Variants in SYT1 observed in about 807,000 individuals in gnomAD.
The protein encoded by SYT1 is synaptotagmin-1.
A neutral mutation model predicts 44.8 loss-of-function variants in SYT1; 8 were observed. The observed-to-expected ratio is 0.18, with a 90% confidence interval of 0.10 to 0.32. The LOEUF is 0.32. Among genes scored for constraint, SYT1 ranks in the 10% least tolerant of loss-of-function variants. The probability of loss-of-function intolerance (pLI) is 1.00; values close to 1 mark genes in which losing one functional copy is unlikely to be tolerated. For missense variants in SYT1, 286 were observed against 509.3 expected (o/e 0.56, Z 4.22); for synonymous variants, 154 against 188.8 (o/e 0.82, Z 1.51).
chr12:79,116,996 T>A (rs1488497961), intron 3 of SYT1, among the ~76,000 whole-genome samples: 2 of 152,168 alleles, frequency 1.3e-5, no homozygotes, highest in African/African-American at 4.8e-5. Context: ...GTAATAAAAT[T>A]AATGAGGAAG....
intron 3 of SYT1, among the ~76,000 whole-genome samples, chr12:79,091,737 C>A (rs768188126): frequency 3.3e-5 from 5 of 151,872 alleles, no homozygotes; most frequent in Non-Finnish European, 7.4e-5. Context: ...ATAATAAAAT[C>A]TCAAAAAAAT....
At chr12:78,961,892 T>C (rs1312579276) in intron 1 of SYT1, among the ~76,000 whole-genome samples, 1 of 152,194 alleles carries the variant, frequency 6.6e-6, no homozygotes, top group African/African-American at 2.4e-5. Context: ...CAGTGACAAC[T>C]TTTTGACTCA....
chr12:79,311,512 T>G (rs1477216818), intron 8 of SYT1, among the ~76,000 whole-genome samples: 2 of 142,970 alleles, frequency 1.4e-5, no homozygotes, highest in African/African-American at 2.6e-5. Flanking sequence ...GCCATCCCAT[T>G]ACTGGGTATA....
intron 4 of SYT1, among the ~76,000 whole-genome samples, chr12:79,239,774 T>C (rs1166664119): frequency 2.6e-5 from 4 of 151,778 alleles, no homozygotes; most frequent in Non-Finnish European, 5.9e-5. Flanking sequence ...GAAGAGGGAG[T>C]CCAGGCTTTT....
intron 7 of SYT1, 67 bp from the exon 8 acceptor site, chr12:79,299,317 A>G (rs980108409): frequency 6.6e-7 from 1 of 1,524,432 alleles, no homozygotes; most frequent in Non-Finnish European, 9.0e-7. Context: ...ATTAAGCACC[A>G]TGAACAAGTA....
chr12:78,903,064 C>G lies in SYT1; in HGVS notation c.-217+37955C>G, dbSNP rs892856591. 2.6e-5 allele frequency among the ~76,000 whole-genome samples: 4 copies of G among 152,116 alleles called. No homozygotes were observed. The South Asian group carries it at 6.2e-4, about 24-fold the overall frequency. On this transcript the variant is annotated intron_variant, in intron 1 of 10. Coordinates refer to ENST00000261205, the MANE Select transcript of SYT1 (RefSeq NM_005639.3). Reference sequence around the variant, plus strand: ...AATTTTACAGAATCAATTCTTAACTCAGAAAATTGTCAAAATTCATTTATC... The same window carrying G: ...AATTTTACAGAATCAATTCTTAACTGAGAAAATTGTCAAAATTCATTTATC...
chr12:79,230,372 C>T lies in SYT1; in HGVS notation c.166+12687C>T, dbSNP rs529436651. Among the ~76,000 whole-genome samples, 34 of 152,136 alleles carry T rather than the reference C, an allele frequency of 2.2e-4. 1 individual carries two copies. The South Asian group carries it at 7.1e-3, about 32-fold the overall frequency. On this transcript the variant is annotated intron_variant, in intron 4 of 10. Transcript: ENST00000261205. ...ATTGTGTCTTATTGTATAGTTGCATCTGAAGATTTTTGTACTGAAATAGAA... is the reference window on the plus strand; with the variant it reads ...ATTGTGTCTTATTGTATAGTTGCATTTGAAGATTTTTGTACTGAAATAGAA...
chr12:79,113,082 G>A (rs17005224), intron 3 of SYT1, among the ~76,000 whole-genome samples: 3,555 of 152,162 alleles, frequency 0.023, 118 homozygotes, highest in South Asian at 0.11. Flanking sequence ...AAATGTATTC[G>A]ACATAAAAGT....
intron 9 of SYT1, among the ~76,000 whole-genome samples, chr12:79,423,729 T>C (rs1188677473): frequency 6.6e-6 from 1 of 151,962 alleles, no homozygotes; most frequent in Non-Finnish European, 1.5e-5. Context: ...TTCAATTTCA[T>C]GATATGTTAT....
intron 3 of SYT1, among the ~76,000 whole-genome samples, chr12:79,151,318 C>T (rs1441741774): frequency 6.6e-6 from 1 of 152,090 alleles, no homozygotes; most frequent in Non-Finnish European, 1.5e-5. Flanking sequence ...GACATTCCCA[C>T]CTGCCAGGAA....
chr12:79,411,528 C>A (rs780452796), intron 9 of SYT1, among the ~76,000 whole-genome samples: 11 of 152,068 alleles, frequency 7.2e-5, no homozygotes, highest in Non-Finnish European at 1.5e-4. Context: ...ATTGTCAGAT[C>A]ATACAGTGAC....
intron 4 of SYT1, among the ~76,000 whole-genome samples, chr12:79,218,196 T>C (rs1874931587): frequency 1.3e-5 from 2 of 152,302 alleles, no homozygotes; most frequent in African/African-American, 4.8e-5. Context: ...TGGATAAGTA[T>C]AGCACTAAGT....
intron 8 of SYT1, among the ~76,000 whole-genome samples, chr12:79,309,063 A>T (rs1013561496): frequency 1.3e-5 from 2 of 152,216 alleles, no homozygotes; most frequent in South Asian, 2.1e-4. Context: ...CCAGATTTTT[A>T]AAAATCATAC....
chr12:79,270,517 C>T (rs1308806173), intron 4 of SYT1, among the ~76,000 whole-genome samples: 1 of 152,034 alleles, frequency 6.6e-6, no homozygotes, highest in Non-Finnish European at 1.5e-5. Context: ...TATATTTTTC[C>T]AGGGATGAAA....
chr12:78,917,137 C>T (rs1359806325), intron 1 of SYT1, among the ~76,000 whole-genome samples: 1 of 151,946 alleles, frequency 6.6e-6, no homozygotes, highest in African/African-American at 2.4e-5. Context: ...AAGTTCTTTC[C>T]TATATTGAGT....
At chr12:79,395,613 C>G (rs935440976) in intron 9 of SYT1, among the ~76,000 whole-genome samples, 2 of 152,134 alleles carry the variant, frequency 1.3e-5, no homozygotes, top group Non-Finnish European at 2.9e-5. Context: ...TCTCAAACAC[C>G]TGGAATCAAG....
intron 3 of SYT1, among the ~76,000 whole-genome samples, chr12:79,174,931 C>A (rs1871765738): frequency 6.6e-6 from 1 of 152,006 alleles, no homozygotes; most frequent in Non-Finnish European, 1.5e-5. Flanking sequence ...TTTACAGGTA[C>A]TTTCCATTGC....
intron 2 of SYT1, among the ~76,000 whole-genome samples, chr12:78,990,770 A>G (rs1869961492): frequency 6.6e-6 from 1 of 152,194 alleles, no homozygotes; most frequent in South Asian, 2.1e-4. Flanking sequence ...AAGAAGGAAA[A>G]TGCAGAGTAA....
intron 9 of SYT1, among the ~76,000 whole-genome samples, chr12:79,434,400 T>A (rs1869969455): frequency 6.6e-6 from 1 of 152,246 alleles, no homozygotes; most frequent in South Asian, 2.1e-4. Context: ...ATAAAGACAC[T>A]TAAATGCTTT....
Sources: allele counts gnomAD v4.1 joint callset (sites outside exome capture counted in the v4.1 genomes callset), GRCh38; gene constraint gnomAD v4.1.1; transcripts MANE v1.5; gene names NCBI Gene and HGNC (gene_info 2026-07-23, HGNC 2026-07-21).